The following ME3 variants were observed in gnomAD, a reference collection of about 807,000 sequenced individuals.
ME3 encodes the protein NADP-dependent malic enzyme, mitochondrial.
A neutral mutation model predicts 68.9 loss-of-function variants in ME3; 48 were observed. The observed-to-expected ratio is 0.70, with a 90% CI of 0.55 to 0.89. ME3 has a LOEUF of 0.89. Among genes scored for constraint, ME3 ranks in the 40% least tolerant of loss-of-function variants. The pLI is 0.00. For missense variants in ME3, 675 were observed against 797.4 expected (o/e 0.85, Z 1.85); for synonymous variants, 320 against 318.8 (o/e 1.00, Z -0.04).
intron 7 of ME3, among the ~76,000 whole-genome samples, chr11:86,483,636 GTTTA>G (rs932209580): frequency 4.6e-5 from 7 of 152,204 alleles, no homozygotes; most frequent in African/African-American, 1.7e-4. Flanking sequence ...TTTTAAAAAG[GTTTA>G]TTTATTATTT....
intron 2 of ME3, among the ~76,000 whole-genome samples, chr11:86,617,824 C>T (rs149796856): frequency 1.3e-5 from 2 of 152,090 alleles, no homozygotes; most frequent in African/African-American, 4.8e-5. Flanking sequence ...GGGTGCTAAA[C>T]TGCAGCACAG....
At chr11:86,668,520 A>G (rs1200187977) in intron 2 of ME3, among the ~76,000 whole-genome samples, 1 of 152,182 alleles carries the variant, frequency 6.6e-6, no homozygotes, top group Non-Finnish European at 1.5e-5. Flanking sequence ...TACCCCAATT[A>G]TGGAAATCAT....
At chr11:86,572,393 C>G (rs1957850027) in intron 2 of ME3, among the ~76,000 whole-genome samples, 1 of 152,080 alleles carries the variant, frequency 6.6e-6, no homozygotes, top group African/African-American at 2.4e-5. Flanking sequence ...GCTTCAAGCC[C>G]TGGATGCATT....
intron 2 of ME3, among the ~76,000 whole-genome samples, chr11:86,563,389 A>T (rs1023557901): frequency 1.3e-5 from 2 of 152,018 alleles, no homozygotes; most frequent in Admixed American, 6.6e-5. Context: ...ATGGTATCTC[A>T]TTGTGATTTT....
chr11:86,485,608 A>G (rs1479630938), intron 7 of ME3, among the ~76,000 whole-genome samples: 1 of 151,788 alleles, frequency 6.6e-6, no homozygotes, highest in Non-Finnish European at 1.5e-5. Context: ...CAGTTTCTAA[A>G]CCTCACCAGG....
At position 86,498,828 on chromosome 11, in the gene ME3, T is replaced by C. The variant is rs537430430; in HGVS notation, c.544-704A>G. ...AATAATTGTATTATTATAATGGATA[T>C]TCTTTTATTCATTCATTTAATACAT... is the stretch of plus-strand genomic sequence containing the variant. On this transcript the variant is annotated intron_variant, in intron 5 of 14. Coordinates refer to ENST00000543262, the Ensembl canonical transcript of ME3. 2.6e-5 allele frequency among the ~76,000 whole-genome samples: 4 copies of C among 152,342 alleles called. No homozygotes were observed. In the East Asian group the frequency reaches 7.7e-4, roughly 29 times the overall value.
chr11:86,597,707 C>G (rs541620000), intron 2 of ME3, among the ~76,000 whole-genome samples: 5 of 152,062 alleles, frequency 3.3e-5, no homozygotes. Flanking sequence ...AGATTTATTT[C>G]GAGCCAAATA....
intron 4 of ME3, among the ~76,000 whole-genome samples, chr11:86,517,796 G>T (rs1594259626): frequency 6.6e-6 from 1 of 152,160 alleles, no homozygotes; most frequent in East Asian, 1.9e-4. Flanking sequence ...TGTTCCCAGG[G>T]CCTAGCGTAG....
chr11:86,629,712 A>T (rs1350601966), intron 2 of ME3, among the ~76,000 whole-genome samples: 5 of 152,236 alleles, frequency 3.3e-5, no homozygotes, highest in African/African-American at 1.2e-4. Context: ...TCCTGAGGAC[A>T]CAAGCCAGGA....
chr11:86,446,622 CA>C, intron 12 of ME3, 135 bp from the exon 13 acceptor site: 1 of 841,558 alleles, frequency 1.2e-6, no homozygotes, highest in Non-Finnish European at 1.8e-6. Context: ...GAGAACATGG[CA>C]GGTATTTAAA....
rs1034008102 is a variant in ME3 at position 86,453,067 on chromosome 11, C to T, written c.920-2669G>A. ...AGGCTGGAGTGCAATGGTGTGATCT[C>T]GGCTCACTGCAACCTCTGCCTCCTG... On this transcript the variant is annotated intron_variant, in intron 8 of 14. Coordinates refer to ENST00000543262, the Ensembl canonical transcript of ME3. Among the ~76,000 whole-genome samples the T allele has an allele frequency of 9.2e-5, 14 of 151,436 alleles. 1 individual carries two copies. The highest frequency in any genetic ancestry group is 2.9e-5 in the Non-Finnish European group (2 of 67,838).
At chr11:86,562,620 T>C (rs942241352) in intron 2 of ME3, among the ~76,000 whole-genome samples, 3 of 152,160 alleles carry the variant, frequency 2.0e-5, no homozygotes, top group Admixed American at 1.3e-4. Context: ...TTGCTTTAAT[T>C]AGCAATCCTC....
intron 2 of ME3, among the ~76,000 whole-genome samples, chr11:86,651,870 C>G (rs1282055118): frequency 1.3e-5 from 2 of 152,250 alleles, no homozygotes; most frequent in African/African-American, 2.4e-5. Flanking sequence ...GAATGGCTAA[C>G]TGAATACCTA....
At chr11:86,568,658 C>T (rs574304849) in intron 2 of ME3, among the ~76,000 whole-genome samples, 2 of 152,332 alleles carry the variant, frequency 1.3e-5, no homozygotes, top group South Asian at 2.1e-4. Context: ...GTGCTTCTGT[C>T]CCAGCCTTCT....
intron 2 of ME3, among the ~76,000 whole-genome samples, chr11:86,569,502 A>T (rs4944595): frequency 6.6e-6 from 1 of 152,014 alleles, no homozygotes; most frequent in Non-Finnish European, 1.5e-5. Context: ...CACACAGTTT[A>T]GCACATGCGA....
At chr11:86,613,498 A>G (rs1487052964) in intron 2 of ME3, among the ~76,000 whole-genome samples, 1 of 152,172 alleles carries the variant, frequency 6.6e-6, no homozygotes, top group Non-Finnish European at 1.5e-5. Context: ...GAAATAAAGC[A>G]TATTCAAATA....
At chr11:86,440,827 CT>C (rs1302842888), downstream of ME3, among the ~76,000 whole-genome samples, 3 of 152,230 alleles carry the variant, frequency 2.0e-5, no homozygotes, top group African/African-American at 4.8e-5. Context: ...AAACACTGCT[CT>C]CCCTGAAGCC....
At chr11:86,503,514 T>A (rs1457787348) in intron 5 of ME3, among the ~76,000 whole-genome samples, 4 of 152,370 alleles carry the variant, frequency 2.6e-5, no homozygotes, top group African/African-American at 9.6e-5. Context: ...CAGCGAGCCT[T>A]GCTTGAGATC....
At chr11:86,442,844 C>T (rs1222752507) in exon 14 of ME3, 12 of 1,612,734 alleles carry the variant, frequency 7.4e-6, no homozygotes, top group African/African-American at 4.0e-5. Context: ...CTCAAAGACA[C>T]GTCTCGGATG....
Sources: allele counts gnomAD v4.1 joint callset (sites outside exome capture counted in the v4.1 genomes callset), GRCh38; gene constraint gnomAD v4.1.1; transcripts MANE v1.5; gene names NCBI Gene and HGNC (gene_info 2026-07-23, HGNC 2026-07-21).